The following SV2C variants were observed in gnomAD, a reference collection of about 807,000 sequenced individuals.
SV2C encodes solute carrier family 22 member B3.
A neutral mutation model predicts 79.7 loss-of-function variants in SV2C; 49 were observed. That is an observed-to-expected ratio of 0.61 (90% CI 0.49 to 0.78). SV2C has a LOEUF of 0.78. Among genes scored for constraint, SV2C ranks in the 30% least tolerant of loss-of-function variants. The probability of loss-of-function intolerance (pLI) is 0.00; values close to 1 mark genes in which losing one functional copy is unlikely to be tolerated. For missense variants in SV2C, 833 were observed against 912.9 expected (o/e 0.91, Z 1.13); for synonymous variants, 334 against 333.2 (o/e 1.00, Z -0.03).
At chr5:76,064,509 T>A in the SV2C span, among the ~76,000 whole-genome samples, 1 of 152,028 alleles carries the variant, frequency 6.6e-6, no homozygotes, top group Non-Finnish European at 1.5e-5. Flanking sequence ...TTTTGCATAT[T>A]GCACATCACT....
intron 3 of SV2C, among the ~76,000 whole-genome samples, chr5:76,204,822 C>T (rs1386794685): frequency 2.6e-5 from 4 of 152,210 alleles, no homozygotes; most frequent in African/African-American, 9.6e-5. Context: ...AACATAATCC[C>T]CACTGGGTTG....
chr5:76,257,928 T>A (rs1746340609), intron 4 of SV2C, among the ~76,000 whole-genome samples: 1 of 149,308 alleles, frequency 6.7e-6, no homozygotes, highest in Non-Finnish European at 1.5e-5. Context: ...TGTGTGTATG[T>A]GTATGTGTGT....
chr5:76,278,799 G>A (rs988975194), intron 4 of SV2C, among the ~76,000 whole-genome samples: 21 of 152,352 alleles, frequency 1.4e-4, no homozygotes, highest in African/African-American at 4.8e-4. Context: ...TGTACTCAGA[G>A]CTGTGGGAGG....
intron 2 of SV2C, among the ~76,000 whole-genome samples, chr5:76,149,572 G>A (rs374780428): frequency 6.6e-6 from 1 of 152,218 alleles, no homozygotes; most frequent in East Asian, 1.9e-4. Context: ...ATAATCAGAG[G>A]TGGGGATATA....
At chr5:76,196,953 A>G (rs1006773303) in intron 3 of SV2C, among the ~76,000 whole-genome samples, 2 of 152,242 alleles carry the variant, frequency 1.3e-5, no homozygotes, top group African/African-American at 4.8e-5. Flanking sequence ...AGCAGAGACA[A>G]CTTAGATGTA....
the SV2C span, among the ~76,000 whole-genome samples, chr5:75,975,510 T>A: frequency 2.6e-5 from 4 of 152,202 alleles, no homozygotes; most frequent in Admixed American, 2.6e-4. Context: ...CTTTCCTGTG[T>A]CTCATGTTGA....
intron 5 of SV2C, 39 bp from the exon 6 acceptor site, chr5:76,285,742 G>A: frequency 1.9e-6 from 3 of 1,567,752 alleles, no homozygotes; most frequent in Non-Finnish European, 2.6e-6. Context: ...GGGTAAGTGT[G>A]TCACTCCTAG....
chr5:76,039,649 G>A, the SV2C span, among the ~76,000 whole-genome samples: 46 of 151,570 alleles, frequency 3.0e-4, no homozygotes, highest in Non-Finnish European at 6.0e-4. Context: ...CCAGCTACTC[G>A]AGAGGCAGGG....
the SV2C span, chr5:76,075,811 G>T: frequency 4.3e-6 from 1 of 233,830 alleles, no homozygotes. Flanking sequence ...GGTAGAAAAG[G>T]GGTGAATGAT....
chr5:76,239,923 T>G (rs1745730480), intron 4 of SV2C, among the ~76,000 whole-genome samples: 1 of 152,232 alleles, frequency 6.6e-6, no homozygotes, highest in Admixed American at 6.5e-5. Context: ...AGGAGGGCTA[T>G]CTGCTTCCCT....
intron 4 of SV2C, among the ~76,000 whole-genome samples, chr5:76,276,100 T>C (rs1413734881): frequency 6.6e-6 from 1 of 152,220 alleles, no homozygotes; most frequent in Non-Finnish European, 1.5e-5. Flanking sequence ...CTCTCCACTT[T>C]CTGATTTTGT....
At chr5:76,159,959 A>C (rs1470819447) in intron 2 of SV2C, among the ~76,000 whole-genome samples, 1 of 152,098 alleles carries the variant, frequency 6.6e-6, no homozygotes, top group Non-Finnish European at 1.5e-5. Flanking sequence ...ATATTAAGGA[A>C]ATAATTCCAT....
chr5:75,923,571 A>T, the SV2C span, among the ~76,000 whole-genome samples: 10 of 152,228 alleles, frequency 6.6e-5, no homozygotes, highest in African/African-American at 2.2e-4. Context: ...ACAAATCAGC[A>T]TAAAAAAAAT....
chr5:75,960,295 T>C, the SV2C span, among the ~76,000 whole-genome samples: 2 of 151,994 alleles, frequency 1.3e-5, no homozygotes, highest in African/African-American at 4.8e-5. Flanking sequence ...TTTATGGCTT[T>C]TTACAATCTG....
chr5:75,998,422 A>T, the SV2C span, among the ~76,000 whole-genome samples: 58 of 152,222 alleles, frequency 3.8e-4, no homozygotes, highest in Admixed American at 3.5e-3. Context: ...GTAATGGGTT[A>T]CCTTTCATTA....
chr5:75,884,428 A>G, the SV2C span, among the ~76,000 whole-genome samples: 1 of 152,190 alleles, frequency 6.6e-6, no homozygotes, highest in Admixed American at 6.6e-5. Flanking sequence ...GCTAAATAAT[A>G]TCCTACAGAA....
chr5:76,129,101 A>T (rs1461270045), intron 1 of SV2C, among the ~76,000 whole-genome samples: 1 of 152,144 alleles, frequency 6.6e-6, no homozygotes, highest in Non-Finnish European at 1.5e-5. Context: ...GATAGTACAA[A>T]CTTGGGGTTT....
chr5:75,875,510 C>T, the SV2C span, among the ~76,000 whole-genome samples: 2 of 152,156 alleles, frequency 1.3e-5, no homozygotes, highest in Non-Finnish European at 2.9e-5. Context: ...CTATTCAGTA[C>T]ATAGGCACAG....
chr5:75,913,725 C>G, the SV2C span, among the ~76,000 whole-genome samples: 1 of 152,276 alleles, frequency 6.6e-6, no homozygotes, highest in Non-Finnish European at 1.5e-5. Context: ...GGTGAACCAT[C>G]TCTTGGCCCT....
Sources: gnomAD v4.1 joint callset for allele counts (sites outside exome capture counted in the v4.1 genomes callset) on GRCh38, gnomAD v4.1.1 for gene constraint, MANE v1.5 for transcripts, NCBI Gene and HGNC (gene_info 2026-07-23, HGNC 2026-07-21) for gene names.